Variants in GRM7 observed in about 807,000 individuals in gnomAD.
The protein encoded by GRM7 is glutamate metabotropic receptor 7.
In GRM7, 35 loss-of-function variants were observed where a neutral mutation model predicts 84.5. That is an observed-to-expected ratio of 0.41 (90% CI 0.32 to 0.55). GRM7 has a LOEUF of 0.55. Ranked by LOEUF, GRM7 falls within the 20% of genes least tolerant of loss-of-function variation. GRM7 has a pLI of 0.19. For synonymous variants in GRM7, 487 were observed against 455.1 expected, an observed-to-expected ratio of 1.07 and a Z score of -0.89; for missense variants, 1,003 against 1,194.6, an observed-to-expected ratio of 0.84 and a Z score of 2.36.
intron 2 of GRM7, among the ~76,000 whole-genome samples, chr3:7,297,966 A>G (rs1469590440): frequency 3.9e-5 from 6 of 152,208 alleles, no homozygotes; most frequent in Admixed American, 3.9e-4. Context: ...CATAATGCCA[A>G]TTAATATTAT....
At chr3:7,130,245 A>T (rs1574941485) in intron 1 of GRM7, among the ~76,000 whole-genome samples, 1 of 152,276 alleles carries the variant, frequency 6.6e-6, no homozygotes, top group East Asian at 1.9e-4. Context: ...ACCTTTAATA[A>T]GAATTCATGG....
intron 4 of GRM7, among the ~76,000 whole-genome samples, chr3:7,369,235 A>G (rs1694035904): frequency 1.3e-5 from 2 of 152,044 alleles, no homozygotes; most frequent in Non-Finnish European, 2.9e-5. Flanking sequence ...TAAATTTTTC[A>G]TACAGACACG....
At chr3:7,092,198 T>G (rs1457540797) in intron 1 of GRM7, among the ~76,000 whole-genome samples, 1 of 152,118 alleles carries the variant, frequency 6.6e-6, no homozygotes, top group African/African-American at 2.4e-5. Context: ...AGTAAAGAAA[T>G]TAATGATGTG....
intron 1 of GRM7, chr3:6,956,751 A>G (rs1298667035): frequency 2.4e-6 from 1 of 417,640 alleles, no homozygotes; most frequent in African/African-American, 2.0e-5. Flanking sequence ...AATGTCTCTT[A>G]TATATCTTTA....
At chr3:7,495,118 G>A (rs1175064509) in intron 7 of GRM7, among the ~76,000 whole-genome samples, 1 of 152,124 alleles carries the variant, frequency 6.6e-6, no homozygotes, top group East Asian at 1.9e-4. Flanking sequence ...TGTGGGTGTT[G>A]GCCTGCTTCT....
At chr3:6,927,167 C>A (rs1215054609) in intron 1 of GRM7, among the ~76,000 whole-genome samples, 2 of 152,100 alleles carry the variant, frequency 1.3e-5, no homozygotes, top group Admixed American at 6.6e-5. Flanking sequence ...GTGGCTCATT[C>A]CTGTAATCCC....
At chr3:7,126,977 A>G (rs1339209089) in intron 1 of GRM7, among the ~76,000 whole-genome samples, 2 of 152,250 alleles carry the variant, frequency 1.3e-5, no homozygotes, top group Non-Finnish European at 2.9e-5. Context: ...AATTATTTAA[A>G]TGTTCTACTT....
At chr3:7,547,620 A>G (rs972489245) in intron 7 of GRM7, among the ~76,000 whole-genome samples, 2 of 152,178 alleles carry the variant, frequency 1.3e-5, no homozygotes, top group African/African-American at 2.4e-5. Context: ...ATTAAATCAG[A>G]AAGTCCAGGT....
intron 1 of GRM7, among the ~76,000 whole-genome samples, chr3:6,878,890 A>G (rs1023881830): frequency 3.9e-5 from 6 of 152,258 alleles, no homozygotes; most frequent in South Asian, 2.1e-4. Context: ...CTAGATTTGC[A>G]TTTCTAACCA....
At chr3:7,081,679 C>T (rs1698280465) in intron 1 of GRM7, among the ~76,000 whole-genome samples, 1 of 152,068 alleles carries the variant, frequency 6.6e-6, no homozygotes, top group Admixed American at 6.6e-5. Context: ...ATCTAGGTCT[C>T]TTGTACTAAA....
chr3:7,582,811 G>A (rs1695325331), intron 8 of GRM7, among the ~76,000 whole-genome samples: 1 of 152,062 alleles, frequency 6.6e-6, no homozygotes, highest in African/African-American at 2.4e-5. Flanking sequence ...CACCCCCTGA[G>A]GAATTTAACA....
At chr3:7,319,553 T>G (rs748330123) in intron 4 of GRM7, among the ~76,000 whole-genome samples, 1 of 152,024 alleles carries the variant, frequency 6.6e-6, no homozygotes, top group Non-Finnish European at 1.5e-5. Context: ...TTCTGAGATT[T>G]CTAGTGGAGT....
At chr3:7,594,033 T>G (rs78829188) in intron 8 of GRM7, among the ~76,000 whole-genome samples, 4,593 of 152,132 alleles carry the variant, frequency 0.03, 184 homozygotes, top group East Asian at 0.096. Flanking sequence ...TCAAATCAAT[T>G]ATGTAGGCAA....
chr3:7,723,672 G>C (rs966743221), intron 9 of GRM7, among the ~76,000 whole-genome samples: 3 of 151,992 alleles, frequency 2.0e-5, no homozygotes, highest in Non-Finnish European at 2.9e-5. Flanking sequence ...AACATAATAA[G>C]ACCCCCATCT....
chr3:6,923,617 T>A (rs954838323), intron 1 of GRM7, among the ~76,000 whole-genome samples: 3 of 152,190 alleles, frequency 2.0e-5, no homozygotes, highest in Non-Finnish European at 2.9e-5. Flanking sequence ...TGATAGGGTT[T>A]TTTTCCCCCT....
chr3:7,166,178 G>A (rs977122292), intron 2 of GRM7, among the ~76,000 whole-genome samples: 3 of 152,086 alleles, frequency 2.0e-5, no homozygotes, highest in Admixed American at 6.5e-5. Context: ...TACTTGAGCC[G>A]GTATTTAAAT....
chr3:7,307,532 TC>T (rs1700236840), intron 4 of GRM7, among the ~76,000 whole-genome samples: 1 of 152,184 alleles, frequency 6.6e-6, no homozygotes. Flanking sequence ...TTAATTATTC[TC>T]CTCAGAAGGC....
intron 6 of GRM7, among the ~76,000 whole-genome samples, 179 bp from the exon 7 acceptor site, chr3:7,461,404 A>G (rs1698239726): frequency 2.0e-5 from 3 of 152,336 alleles, no homozygotes; most frequent in African/African-American, 7.2e-5. Context: ...ATTAAAATTC[A>G]TAGGCCATAG....
At chr3:6,964,529 G>C (rs956305647) in intron 1 of GRM7, among the ~76,000 whole-genome samples, 1 of 152,078 alleles carries the variant, frequency 6.6e-6, no homozygotes, top group African/African-American at 2.4e-5. Flanking sequence ...TCCCTTCTTT[G>C]CTCACTCTAC....
Sources: gnomAD v4.1 joint callset for allele counts (sites outside exome capture counted in the v4.1 genomes callset) on GRCh38, gnomAD v4.1.1 for gene constraint, MANE v1.5 for transcripts, NCBI Gene and HGNC (gene_info 2026-07-23, HGNC 2026-07-21) for gene names.